Variants in NME7 observed in about 807,000 individuals in gnomAD.
NME7 encodes the protein NME/NM23 family member 7.
In NME7, 41 loss-of-function variants were observed where a neutral mutation model predicts 49.1. The ratio of observed to expected loss-of-function variants is 0.83; its 90% CI spans 0.65 to 1.08. The LOEUF (loss-of-function observed/expected upper bound fraction) is 1.08. Ranked by LOEUF, NME7 falls within the 50% of genes least tolerant of loss-of-function variation. The probability of loss-of-function intolerance (pLI) is 0.00; values close to 1 mark genes in which losing one functional copy is unlikely to be tolerated. For missense variants in NME7, 423 were observed against 463.4 expected, an observed-to-expected ratio of 0.91 and a Z score of 0.80; for synonymous variants, 139 against 150.6, an observed-to-expected ratio of 0.92 and a Z score of 0.56.
At chr1:169,312,083 A>G (rs1651415469) in intron 3 of NME7, among the ~76,000 whole-genome samples, 1 of 152,182 alleles carries the variant, frequency 6.6e-6, no homozygotes, top group African/African-American at 2.4e-5. Flanking sequence ...CCATCCACAT[A>G]TGTAGTGGCG....
chr1:169,307,436 A>C (rs1651212192), intron 4 of NME7, among the ~76,000 whole-genome samples: 1 of 152,228 alleles, frequency 6.6e-6, no homozygotes, highest in Non-Finnish European at 1.5e-5. Context: ...TCAACAAGTA[A>C]TTAGAAGGGC....
rs887830641 is a variant in NME7 at position 169,132,725 on chromosome 1, C to T, written c.*60G>A. The T allele has an allele frequency of 1.1e-5, 16 of 1,471,506 alleles. No individual in the cohort carries two copies. The highest frequency in any genetic ancestry group is 7.0e-5 in the African/African-American group (5 of 71,706). 91.2% of individuals were successfully genotyped at this position (1,471,506 alleles called of 1,614,324 possible). A position where few individuals can be genotyped will look rare whatever the true frequency, so the allele number is the denominator to read the frequency against. ...ACAATAAAAGAATGAACACATTCCT[C>T]GTGTGTGATTCACTCTTGTCTAAAT... On this transcript the variant is annotated 3_prime_UTR_variant, in exon 12 of 12. Transcript: ENST00000367811.
chr1:169,342,525 TATAC>T (rs77192924), intron 1 of NME7, among the ~76,000 whole-genome samples: 16,232 of 87,710 alleles, frequency 0.19, 3,101 homozygotes, highest in Non-Finnish European at 0.26. Context: ...ATAGTATATA[TATAC>T]AAGTACATAT....
intron 10 of NME7, among the ~76,000 whole-genome samples, chr1:169,228,647 G>A (rs1373024905): frequency 2.1e-5 from 3 of 142,012 alleles, no homozygotes; most frequent in Non-Finnish European, 3.0e-5. Context: ...ACTGCAGTCC[G>A]CAGTCCGGCC....
chr1:169,220,126 A>G (rs764807824), intron 10 of NME7, among the ~76,000 whole-genome samples: 7 of 152,160 alleles, frequency 4.6e-5, no homozygotes, highest in Non-Finnish European at 8.8e-5. Flanking sequence ...TTGTTTTGAG[A>G]AGTGGGCCTG....
At chr1:169,233,373 T>C (rs906924200) in intron 9 of NME7, among the ~76,000 whole-genome samples, 1 of 152,056 alleles carries the variant, frequency 6.6e-6, no homozygotes, top group African/African-American at 2.4e-5. Flanking sequence ...AAAATGGATA[T>C]AAAGACTTTG....
chr1:169,324,041 G>GA (rs1651959730), intron 2 of NME7, among the ~76,000 whole-genome samples: 2 of 151,666 alleles, frequency 1.3e-5, no homozygotes, highest in Admixed American at 1.3e-4. Context: ...CTTTAGTAGA[G>GA]ATGGGTTTTC....
intron 7 of NME7, among the ~76,000 whole-genome samples, chr1:169,258,361 A>T (rs1649037942): frequency 2.0e-5 from 2 of 101,282 alleles, no homozygotes; most frequent in South Asian, 5.8e-4. Flanking sequence ...AAAATAAAAT[A>T]AAATAAAATA....
chr1:169,325,278 C>T (rs1652019247), intron 1 of NME7, among the ~76,000 whole-genome samples: 1 of 152,030 alleles, frequency 6.6e-6, no homozygotes, highest in South Asian at 2.1e-4. Context: ...CCAGGTGACT[C>T]CCAAGGACAG....
chr1:169,232,714 C>T (rs1453370251), intron 9 of NME7, among the ~76,000 whole-genome samples: 2 of 151,476 alleles, frequency 1.3e-5, no homozygotes, highest in African/African-American at 2.4e-5. Context: ...ACAAAAAAGA[C>T]CTGATACAAT....
chr1:169,312,316 C>T (rs555990926), intron 3 of NME7, among the ~76,000 whole-genome samples: 27 of 152,266 alleles, frequency 1.8e-4, no homozygotes, highest in African/African-American at 6.0e-4. Flanking sequence ...CCCCTTGAGT[C>T]ATTTTTGCTG....
rs1405716874 is a variant in NME7 at position 169,274,920 on chromosome 1, T to C, written c.754+12383A>G. ...TAGCGTGATGCCTCCAGCTTTGTTC[T>C]TTTGGCTTAGGATTGAGTTGGCGAT... On this transcript the variant is annotated intron_variant, in intron 7 of 11. Transcript: ENST00000367811. Among the ~76,000 whole-genome samples the C allele has an allele frequency of 1.5e-5, 2 of 133,568 alleles. 1 individual carries two copies. The highest frequency in any genetic ancestry group is 3.5e-5 in the Non-Finnish European group (2 of 56,906). The allele number at this position is 133,568 out of a possible 152,430, so 87.6% of individuals were successfully genotyped here.
At chr1:169,276,358 T>C (rs1649727277) in intron 7 of NME7, among the ~76,000 whole-genome samples, 1 of 133,528 alleles carries the variant, frequency 7.5e-6, no homozygotes, top group African/African-American at 2.5e-5. Flanking sequence ...ATTGCTACAA[T>C]TTCTGAGCCT....
intron 7 of NME7, among the ~76,000 whole-genome samples, chr1:169,238,511 A>ACACC (rs755078398): frequency 0.023 from 3,408 of 150,864 alleles, 121 homozygotes; most frequent in African/African-American, 0.078. Flanking sequence ...ACACACACAC[A>ACACC]CACACCATAT....
intron 1 of NME7, among the ~76,000 whole-genome samples, chr1:169,334,036 A>G (rs1248988808): frequency 1.3e-5 from 2 of 152,210 alleles, no homozygotes; most frequent in Non-Finnish European, 2.9e-5. Context: ...ATTTTTGTTC[A>G]TACAAAAGTG....
intron 1 of NME7, among the ~76,000 whole-genome samples, chr1:169,348,925 A>C (rs1186917015): frequency 1.3e-5 from 2 of 151,566 alleles, no homozygotes; most frequent in Non-Finnish European, 2.9e-5. Flanking sequence ...AAACATCGTG[A>C]CCCTAAGTAG....
At position 169,360,080 on chromosome 1, in the gene NME7, T is replaced by C. The variant is rs115256539; in HGVS notation, c.3+7628A>G. ...AAAGTAAGATACTTCAATCATATGC[T>C]ATAGCAGCATCAAGAAAGGTACTAG... On this transcript the variant is annotated intron_variant, in intron 1 of 11. Transcript: ENST00000367811. 7.0e-3 allele frequency among the ~76,000 whole-genome samples: 1,063 copies of C among 152,320 alleles called. 19 individuals carry two copies. Among genetic ancestry groups the C allele is most frequent in the African/African-American group, 0.025 (1,023 of 41,568 alleles).
At chr1:169,364,763 C>G (rs1397757443) in intron 1 of NME7, among the ~76,000 whole-genome samples, 2 of 152,170 alleles carry the variant, frequency 1.3e-5, no homozygotes, top group Non-Finnish European at 2.9e-5. Context: ...AACTTTGAAG[C>G]AAGGATGGTA....
chr1:169,202,869 T>C (rs904460033), intron 10 of NME7, among the ~76,000 whole-genome samples: 2 of 152,050 alleles, frequency 1.3e-5, no homozygotes, highest in African/African-American at 4.8e-5. Flanking sequence ...GGAGGAGCTA[T>C]GAATATTCAT....
Sources: allele counts gnomAD v4.1 joint callset (sites outside exome capture counted in the v4.1 genomes callset), GRCh38; gene constraint gnomAD v4.1.1; transcripts MANE v1.5; gene names NCBI Gene and HGNC (gene_info 2026-07-23, HGNC 2026-07-21).